LMO3: variants seen among roughly 807,000 people sequenced by gnomAD.
The protein encoded by LMO3 is LIM domain only 3.
Under a neutral mutation model 15.8 loss-of-function variants are expected in LMO3, and 2 were observed. That is an observed-to-expected ratio of 0.13 (90% CI 0.05 to 0.40). The LOEUF (loss-of-function observed/expected upper bound fraction) is 0.40, where lower values mean the gene tolerates loss of function less well. LMO3 is among the 10% of genes least tolerant of loss of function. The probability of loss-of-function intolerance (pLI) is 0.99; values close to 1 mark genes in which losing one functional copy is unlikely to be tolerated. For missense variants in LMO3, 86 were observed against 182.2 expected, an observed-to-expected ratio of 0.47 and a Z score of 3.04; for synonymous variants, 62 against 63.8, an observed-to-expected ratio of 0.97 and a Z score of 0.13.
At position 16,587,616 on chromosome 12, in the gene LMO3, A is replaced by AT. The variant is rs749717191; in HGVS notation, c.206+13038dup. On this transcript the variant is annotated intron_variant, in intron 2 of 3. Coordinates refer to ENST00000537304, the MANE Select transcript of LMO3 (RefSeq NM_018640.5). This position sits in a 1 kb window ranked among gnomAD's most constrained non-coding sequence, Gnocchi z 4.3. ...TAAATTGTATTTCTGTCAGTGTATCATTTTTTTAAGCAATGGACCCTATAA... is the reference window on the plus strand; with the variant it reads ...TAAATTGTATTTCTGTCAGTGTATCATTTTTTTTAAGCAATGGACCCTATAA... 6.6e-6 allele frequency among the ~76,000 whole-genome samples: 1 copy of AT among 151,962 alleles called. No individual in the cohort carries two copies. Among genetic ancestry groups the AT allele is most frequent in the African/African-American group, 2.4e-5 (1 of 41,382 alleles).
At chr12:16,561,826 G>T (rs893129212) in intron 2 of LMO3, among the ~76,000 whole-genome samples, 1 of 152,298 alleles carries the variant, frequency 6.6e-6, no homozygotes, top group African/African-American at 2.4e-5. Flanking sequence ...TTGTTGGATT[G>T]TCTCTTGAAG....
chr12:16,582,487 A>G lies in LMO3; in HGVS notation c.206+18168T>C, dbSNP rs1247713575. On this transcript the variant is annotated intron_variant, in intron 2 of 3. Transcript: ENST00000537304. The surrounding 1 kb of genome is among the most constrained non-coding windows in gnomAD (Gnocchi z 4.1). The stretch of plus-strand genomic sequence containing the variant: ...ATTAGAGTTATGTTAGTTTTGCATA[A>G]GCTGCTTTACATATTTTGAACTTAA... Among the ~76,000 whole-genome samples, 1 of 152,164 alleles carries G rather than the reference A, an allele frequency of 6.6e-6. No homozygotes were observed. Among genetic ancestry groups the G allele is most frequent in the Non-Finnish European group, 1.5e-5 (1 of 68,038 alleles).
intron 3 of LMO3, among the ~76,000 whole-genome samples, chr12:16,556,338 T>G (rs1396804890): frequency 1.3e-5 from 2 of 152,148 alleles, no homozygotes; most frequent in African/African-American, 4.8e-5. Flanking sequence ...GCGGTACCTT[T>G]TAAAATAGAG....
chr12:16,552,426 C>T (rs975114066), intron 3 of LMO3, among the ~76,000 whole-genome samples: 2 of 151,942 alleles, frequency 1.3e-5, no homozygotes, highest in South Asian at 2.1e-4. Flanking sequence ...TGAAAGCCAC[C>T]CTTTAATGTT....
At chr12:16,572,221 T>A (rs1370727121) in intron 2 of LMO3, among the ~76,000 whole-genome samples, 2 of 151,958 alleles carry the variant, frequency 1.3e-5, no homozygotes, top group Non-Finnish European at 2.9e-5. Context: ...GTTGTACTTT[T>A]ACGTAGTAAA....
chr12:16,569,767 A>C (rs992823314), intron 2 of LMO3, among the ~76,000 whole-genome samples: 10 of 152,168 alleles, frequency 6.6e-5, no homozygotes, highest in African/African-American at 1.2e-4. Context: ...GATTTTTCAA[A>C]CTTTTAGACA....
In LMO3 at chr12:16,555,963, G is replaced by A. The variant is rs1467319833; in HGVS notation, c.332+4450C>T. On this transcript the variant is annotated intron_variant, in intron 3 of 3. Transcript: ENST00000537304. The surrounding 1 kb of genome is among the most constrained non-coding windows in gnomAD (Gnocchi z 5.5). ...AGAAGGATGGCTCTCTCTTCCCTCA[G>A]TATAGCTCTATTTAGCATCGATTAC... Among the ~76,000 whole-genome samples the A allele has an allele frequency of 6.6e-6, 1 of 151,962 alleles. No homozygotes were observed. The highest frequency in any genetic ancestry group is 1.5e-5 in the Non-Finnish European group (1 of 68,004).
At chr12:16,565,911 C>CTATT (rs1942580425) in intron 2 of LMO3, among the ~76,000 whole-genome samples, 2 of 144,174 alleles carry the variant, frequency 1.4e-5, no homozygotes, top group Non-Finnish European at 3.0e-5. Flanking sequence ...TATTACAGCA[C>CTATT]TATTTACAAT....
In LMO3 at chr12:16,551,327, T is replaced by A; in HGVS notation, c.333A>T (p.Arg111Ser). The A allele has an allele frequency of 6.4e-7, 1 of 1,560,570 alleles. No homozygotes were observed. The highest frequency in any genetic ancestry group is 1.1e-5 in the South Asian group (1 of 89,908). The change falls in exon 4 of 4, where the codon AGA (arginine) becomes AGT (serine). Residue 111 changes from arginine (R) to serine (S), a missense_variant and splice_region_variant. Physicochemically the swap from Arg to Ser is moderately radical, Grantham distance 110. Coordinates refer to ENST00000537304, the MANE Select transcript of LMO3 (RefSeq NM_018640.5). ...GGAAAAATTTGTCTCCAACACAAAA[T>A]CTGAAAATATTTTAAACAATAAAAT... The part of the protein sequence containing the change: ...DCFACQLCNQ[R>S]FCVGDKFFLK...
Position 16,548,575 on chromosome 12 carries a change from G to A in LMO3, c.*2647C>T, listed in dbSNP as rs1181830657. 1.3e-5 allele frequency: 2 copies of A among 152,120 alleles called. No homozygotes were observed. The highest frequency in any genetic ancestry group is 6.5e-5 in the Admixed American group (1 of 15,278). The allele number at this position is 152,120 out of a possible 1,614,324, so 9.4% of individuals were successfully genotyped here. A position where few individuals can be genotyped will look rare whatever the true frequency, so the allele number is the denominator to read the frequency against. On this transcript the variant is annotated 3_prime_UTR_variant, in exon 4 of 4. Coordinates refer to ENST00000537304, the MANE Select transcript of LMO3 (RefSeq NM_018640.5). This position sits in a 1 kb window ranked among gnomAD's most constrained non-coding sequence, Gnocchi z 4.2. ...GATGCATCTTAGGAAGGGAGCTTTC[G>A]CTGCTCAGAAATCAAAGCTCCATCG...
chr12:16,551,417 C>A, intron 3 of LMO3, 90 bp from the exon 4 acceptor site: 2 of 760,464 alleles, frequency 2.6e-6, no homozygotes, highest in South Asian at 1.6e-5. Flanking sequence ...AATAGTTTCG[C>A]ATGGTAATTC....
chr12:16,588,857 A>T (rs1464928367), intron 2 of LMO3, among the ~76,000 whole-genome samples: 2 of 151,992 alleles, frequency 1.3e-5, no homozygotes, highest in Non-Finnish European at 2.9e-5. Flanking sequence ...CCCTTATCTT[A>T]TCTTCATAAC....
chr12:16,562,743 G>A (rs1283784448), intron 2 of LMO3, among the ~76,000 whole-genome samples: 1 of 152,150 alleles, frequency 6.6e-6, no homozygotes, highest in Non-Finnish European at 1.5e-5. Flanking sequence ...AAAATCTATG[G>A]CAATCTGCAT....
chr12:16,590,161 C>A (rs1197806441), intron 2 of LMO3, among the ~76,000 whole-genome samples: 2 of 151,958 alleles, frequency 1.3e-5, no homozygotes, highest in Non-Finnish European at 2.9e-5. Flanking sequence ...ACATACAAAT[C>A]CCACTGTTAT....
At chr12:16,580,565 G>A (rs1943127989) in intron 2 of LMO3, among the ~76,000 whole-genome samples, 2 of 152,136 alleles carry the variant, frequency 1.3e-5, no homozygotes, top group Admixed American at 6.5e-5. Context: ...ATCTGAACAA[G>A]GATCAGGTAG....
chr12:16,568,763 A>T (rs1328883116), intron 2 of LMO3, among the ~76,000 whole-genome samples: 5 of 152,198 alleles, frequency 3.3e-5, no homozygotes, highest in African/African-American at 1.2e-4. Context: ...TATGTGGATT[A>T]CATTCTATTT....
At chr12:16,574,076 C>T (rs989209601) in intron 2 of LMO3, 1 of 152,118 alleles carries the variant, frequency 6.6e-6, no homozygotes, top group Non-Finnish European at 1.5e-5. Flanking sequence ...TGCAGCTTAC[C>T]TGATCCCTTT....
Position 16,594,386 on chromosome 12 carries a change from C to A in LMO3, c.206+6269G>T, listed in dbSNP as rs553670163. 9.4e-4 allele frequency: 721 copies of A among 764,134 alleles called. 1 individual carries two copies. The highest frequency in any genetic ancestry group is 1.5e-3 in the Admixed American group (47 of 31,084). The allele number at this position is 764,134 out of a possible 1,614,324, so 47.3% of individuals were successfully genotyped here. On this transcript the variant is annotated intron_variant, in intron 2 of 3. Transcript: ENST00000537304. ...GCCATTTATAGAGACATGGCTAATA[C>A]AAATGGAGTTTTATAAAAATACCTA... is the stretch of plus-strand genomic sequence containing the variant.
intron 2 of LMO3, among the ~76,000 whole-genome samples, chr12:16,561,606 A>G (rs2137343221): frequency 6.6e-6 from 1 of 152,344 alleles, no homozygotes; most frequent in East Asian, 1.9e-4. Flanking sequence ...CTTTCATTTT[A>G]TTGAATTTAA....
Sources: gnomAD v4.1 joint callset for allele counts (sites outside exome capture counted in the v4.1 genomes callset) on GRCh38, gnomAD v4.1.1 for gene constraint, Gnocchi (gnomAD v3.1) non-coding constraint, MANE v1.5 for transcripts, NCBI Gene and HGNC (gene_info 2026-07-23, HGNC 2026-07-21) for gene names.